Variants in FNIP2 observed in about 807,000 individuals in gnomAD.
The protein encoded by FNIP2 is folliculin-interacting protein 2.
Under a neutral mutation model 108.7 loss-of-function variants are expected in FNIP2, and 32 were observed. The observed-to-expected ratio is 0.29, with a 90% CI of 0.22 to 0.40. The LOEUF (loss-of-function observed/expected upper bound fraction) is 0.40. Among genes scored for constraint, FNIP2 ranks in the 10% least tolerant of loss-of-function variants. The pLI is 1.00. For synonymous variants in FNIP2, 480 were observed against 496.7 expected (o/e 0.97, Z 0.45); for missense variants, 1,202 against 1,381.6 (o/e 0.87, Z 2.06).
chr4:158,810,818 C>CCAGT (rs543573728), intron 1 of FNIP2, among the ~76,000 whole-genome samples: 4 of 152,310 alleles, frequency 2.6e-5, no homozygotes, highest in African/African-American at 9.6e-5. Flanking sequence ...AGTCTGCAGG[C>CCAGT]CAGTCACTGA....
At chr4:158,812,354 T>C (rs778179923) in intron 1 of FNIP2, among the ~76,000 whole-genome samples, 27 of 152,052 alleles carry the variant, frequency 1.8e-4, no homozygotes, top group African/African-American at 3.1e-4. Flanking sequence ...GCCGGGTAGA[T>C]AGAACAAGGA....
intron 3 of FNIP2, among the ~76,000 whole-genome samples, chr4:158,829,685 T>C (rs892314601): frequency 3.3e-5 from 5 of 151,566 alleles, no homozygotes; most frequent in Admixed American, 3.3e-4. Flanking sequence ...AAAAGGCTGA[T>C]GGCATTTTTT....
chr4:158,776,711 G>A (rs1047280638), intron 1 of FNIP2, among the ~76,000 whole-genome samples: 3 of 152,206 alleles, frequency 2.0e-5, no homozygotes, highest in African/African-American at 4.8e-5. Flanking sequence ...GTGAGAGTTC[G>A]TCTAAATCCT....
intron 16 of FNIP2, among the ~76,000 whole-genome samples, chr4:158,901,581 GT>G (rs1349398937): frequency 2.0e-5 from 3 of 152,038 alleles, no homozygotes; most frequent in African/African-American, 4.8e-5. Context: ...CCTGAAGTGT[GT>G]TTTCCAACTT....
chr4:158,897,844 TA>T (rs571631970), intron 16 of FNIP2, among the ~76,000 whole-genome samples: 510 of 152,360 alleles, frequency 3.3e-3, no homozygotes, highest in African/African-American at 0.011. Flanking sequence ...TTAGTTTAAT[TA>T]GATCCCATTT....
chr4:158,872,230 T>G, intron 14 of FNIP2: 2 of 985,458 alleles, frequency 2.0e-6, no homozygotes, highest in Non-Finnish European at 2.4e-6. Context: ...ATCTATTGAT[T>G]GATAACCCTC....
chr4:158,806,737 A>G (rs1776984797), intron 1 of FNIP2, among the ~76,000 whole-genome samples: 2 of 152,232 alleles, frequency 1.3e-5, no homozygotes, highest in Admixed American at 1.3e-4. Context: ...AACTGTTCAC[A>G]GTAATTATCA....
At chr4:158,848,146 C>T (rs1779508262) in intron 7 of FNIP2, among the ~76,000 whole-genome samples, 1 of 152,294 alleles carries the variant, frequency 6.6e-6, no homozygotes, top group South Asian at 2.1e-4. Flanking sequence ...CAAATACAGG[C>T]GGTAACCAGG....
intron 1 of FNIP2, among the ~76,000 whole-genome samples, chr4:158,824,695 G>A (rs1778058529): frequency 6.6e-6 from 1 of 152,174 alleles, no homozygotes; most frequent in Admixed American, 6.5e-5. Flanking sequence ...ATCTTATCAA[G>A]CGTCTGTTTT....
chr4:158,772,679 A>G (rs1231702325), intron 1 of FNIP2, among the ~76,000 whole-genome samples: 1 of 152,206 alleles, frequency 6.6e-6, no homozygotes, highest in Non-Finnish European at 1.5e-5. Flanking sequence ...AACAAATTTA[A>G]TCTGTTATAG....
In FNIP2 at chr4:158,882,368, CGGGA is replaced by C. The variant is rs1189330415; in HGVS notation, c.2950-9071_2950-9068del. 1.5e-3 allele frequency among the ~76,000 whole-genome samples: 233 copies of C among 150,340 alleles called. 2 individuals are homozygous for C. The highest frequency in any genetic ancestry group is 5.5e-3 in the African/African-American group (223 of 40,810). ...CCCCCGTCCGGCCAGCCGCCCCGTC[CGGGA>C]GGGAGGTGGGGGGCGCCTCCGCCCG... is the stretch of plus-strand genomic sequence containing the variant. On this transcript the variant is annotated intron_variant, in intron 14 of 16. Transcript: ENST00000264433.
chr4:158,770,015 C>G (rs772430651), intron 1 of FNIP2, among the ~76,000 whole-genome samples: 1 of 152,164 alleles, frequency 6.6e-6, no homozygotes, highest in Non-Finnish European at 1.5e-5. Context: ...ACCTAAAATG[C>G]TTTATGTTGA....
chr4:158,793,467 G>A (rs762802552), intron 1 of FNIP2, among the ~76,000 whole-genome samples: 7 of 152,184 alleles, frequency 4.6e-5, no homozygotes, highest in Non-Finnish European at 7.4e-5. Flanking sequence ...AGGGAGAGGA[G>A]GGGAGGACAG....
intron 14 of FNIP2, among the ~76,000 whole-genome samples, chr4:158,875,657 C>T (rs1781241678): frequency 6.6e-6 from 1 of 151,618 alleles, no homozygotes; most frequent in Non-Finnish European, 1.5e-5. Context: ...ACATTAAATA[C>T]CTCAGGTCAG....
intron 1 of FNIP2, among the ~76,000 whole-genome samples, chr4:158,776,341 A>C (rs146757114): frequency 3.2e-4 from 49 of 152,354 alleles, no homozygotes; most frequent in African/African-American, 1.2e-3. Flanking sequence ...TCCTCAAGAG[A>C]TGAAACAGGT....
At position 158,833,584 on chromosome 4, in the gene FNIP2, C is replaced by G. The variant is rs781371303; in HGVS notation, c.611C>G (p.Thr204Arg). The G allele has an allele frequency of 6.2e-7, 1 of 1,610,854 alleles. No homozygotes were observed. Among genetic ancestry groups the G allele is most frequent in the Admixed American group, 1.7e-5 (1 of 59,532 alleles). ...GATCCTAATTTGGGAAAACTGAACA[C>G]AAATCAAAATAGTTTGGGTCCTTGT... ...NQDPNLGKLN[T>R]NQNSLGPCRT... Residue 204 changes from threonine (T) to arginine (R), a missense_variant, in exon 6 of 17, where the codon ACA (threonine) becomes AGA (arginine). By Grantham distance (71) the Thr-to-Arg change is moderately conservative. Transcript: ENST00000264433.
intron 14 of FNIP2, among the ~76,000 whole-genome samples, chr4:158,877,095 A>G (rs1263354994): frequency 6.6e-6 from 1 of 152,320 alleles, no homozygotes. Context: ...TCCATATCTC[A>G]TCATGTAACT....
At chr4:158,883,272 G>T (rs559176666) in intron 14 of FNIP2, among the ~76,000 whole-genome samples, 1 of 151,846 alleles carries the variant, frequency 6.6e-6, no homozygotes, top group Non-Finnish European at 1.5e-5. Context: ...GACGGAGTCT[G>T]GCTCTGTCGT....
chr4:158,817,734 G>T (rs1410800350), intron 1 of FNIP2, among the ~76,000 whole-genome samples: 1 of 152,206 alleles, frequency 6.6e-6, no homozygotes, highest in Non-Finnish European at 1.5e-5. Flanking sequence ...TTTTAGTAGA[G>T]ATGGGGTTTC....
Sources: allele counts gnomAD v4.1 joint callset (sites outside exome capture counted in the v4.1 genomes callset), GRCh38; gene constraint gnomAD v4.1.1; transcripts MANE v1.5; gene names NCBI Gene and HGNC (gene_info 2026-07-23, HGNC 2026-07-21).